Variants in MNS1 observed in about 807,000 individuals in gnomAD.
MNS1 encodes the protein meiosis specific nuclear structural 1.
A neutral mutation model predicts 72.0 loss-of-function variants in MNS1; 63 were observed. That is an observed-to-expected ratio of 0.87 (90% CI 0.71 to 1.08). MNS1 has a LOEUF of 1.08. Among genes scored for constraint, MNS1 ranks in the 50% least tolerant of loss-of-function variants. The pLI is 0.00. For synonymous variants in MNS1, 188 were observed against 172.1 expected, an observed-to-expected ratio of 1.09 and a Z score of -0.72; for missense variants, 604 against 562.4, an observed-to-expected ratio of 1.07 and a Z score of -0.75.
chr15:56,429,076 T>C lies in MNS1; in HGVS notation c.*25A>G. 1 of 1,485,388 alleles carries C rather than the reference T, an allele frequency of 6.7e-7. No homozygotes were observed. Among genetic ancestry groups the C allele is most frequent in the South Asian group, 1.2e-5 (1 of 81,722 alleles). The allele number at this position is 1,485,388 out of a possible 1,614,324, so 92.0% of individuals were successfully genotyped here. On this transcript the variant is annotated 3_prime_UTR_variant, in exon 10 of 10. Coordinates refer to ENST00000260453, the MANE Select transcript of MNS1 (RefSeq NM_018365.4). ...ATCTAGTGGTAACATGCAAAAAATC[T>C]ATGCTTTACCCAATTTTGATGATAT...
In MNS1 at chr15:56,465,097, T is replaced by C. The variant is rs1175975087; in HGVS notation, c.-125A>G. On this transcript the variant is annotated 5_prime_UTR_variant, in exon 1 of 10. Coordinates refer to ENST00000260453, the MANE Select transcript of MNS1 (RefSeq NM_018365.4). ...GCGCTCGGGTGTTTACGCGGCGTCTTGGCAACGGTGGAGCTGCGCGCCCTC... is the reference window on the plus strand; with the variant it reads ...GCGCTCGGGTGTTTACGCGGCGTCTCGGCAACGGTGGAGCTGCGCGCCCTC... The C allele has an allele frequency of 2.3e-6, 3 of 1,325,082 alleles. No homozygotes were observed. The highest frequency in any genetic ancestry group is 3.1e-6 in the Non-Finnish European group (3 of 955,906). The allele number at this position is 1,325,082 out of a possible 1,614,324, so 82.1% of individuals were successfully genotyped here.
chr15:56,464,078 C>A lies in MNS1; in HGVS notation c.173G>T (p.Arg58Ile), dbSNP rs1292612512. ...DNRVQRKQFL[R>I]LLQNEQFELD... ...CTCAAATTGTTCATTTTGTAATAAT[C>A]TGAGAAATTGCTTGCGCTGAACACG... Residue 58 changes from arginine (R) to isoleucine (I), a missense_variant, in exon 2 of 10, where the codon AGA (arginine) becomes ATA (isoleucine). Arg to Ile is a moderately conservative substitution (Grantham distance 97). Transcript: ENST00000260453. 1.2e-6 allele frequency: 2 copies of A among 1,613,780 alleles called. No individual in the cohort carries two copies. The highest frequency in any genetic ancestry group is 3.3e-5 in the Admixed American group (2 of 59,958).
intron 7 of MNS1, among the ~76,000 whole-genome samples, chr15:56,440,327 G>A (rs1184287057): frequency 6.6e-6 from 1 of 152,208 alleles, no homozygotes; most frequent in Non-Finnish European, 1.5e-5. Flanking sequence ...AAATGCTGGT[G>A]AGAATGCAGA....
chr15:56,453,085 CT>C (rs2050958749), intron 3 of MNS1, among the ~76,000 whole-genome samples: 1 of 151,994 alleles, frequency 6.6e-6, no homozygotes, highest in Admixed American at 6.6e-5. Flanking sequence ...CAGCATGTTT[CT>C]TTGTTTCCAG....
intron 4 of MNS1, chr15:56,445,676 A>G (rs2050894773): frequency 6.6e-6 from 1 of 152,198 alleles, no homozygotes; most frequent in African/African-American, 2.4e-5. Flanking sequence ...TACAGATAAG[A>G]AAACTAAGGC....
chr15:56,453,199 T>C (rs185420544), intron 3 of MNS1, among the ~76,000 whole-genome samples: 1 of 152,174 alleles, frequency 6.6e-6, no homozygotes, highest in Non-Finnish European at 1.5e-5. Flanking sequence ...TTTACATATT[T>C]TAATTCCCAA....
chr15:56,452,550 T>C (rs2050954556), intron 3 of MNS1, among the ~76,000 whole-genome samples: 1 of 149,846 alleles, frequency 6.7e-6, no homozygotes, highest in Non-Finnish European at 1.5e-5. Context: ...ACAGAGTCTC[T>C]CTCTGTCGCC....
intron 2 of MNS1, among the ~76,000 whole-genome samples, chr15:56,458,578 T>TA (rs1269791164): frequency 7.1e-5 from 9 of 126,946 alleles, no homozygotes; most frequent in Non-Finnish European, 1.5e-4. Flanking sequence ...ATCATTTCAC[T>TA]ACCCTAAAAA....
intron 2 of MNS1, among the ~76,000 whole-genome samples, chr15:56,458,375 G>A (rs1266120068): frequency 1.3e-5 from 2 of 152,108 alleles, no homozygotes; most frequent in Non-Finnish European, 1.5e-5. Flanking sequence ...CCCTACACAT[G>A]CTCAGCTTCC....
rs1387280124 is a variant in MNS1 at position 56,437,421 on chromosome 15, C to T, written c.1012-3026G>A. ...CCCTTGACAAAATTCAACAGCCCTTCTTGCTAAAAACTCTCAATAAATTAG... is the reference window on the plus strand; with the variant it reads ...CCCTTGACAAAATTCAACAGCCCTTTTTGCTAAAAACTCTCAATAAATTAG... On this transcript the variant is annotated intron_variant, in intron 7 of 9. Coordinates refer to ENST00000260453, the MANE Select transcript of MNS1 (RefSeq NM_018365.4). Among the ~76,000 whole-genome samples, 3 of 152,144 alleles carry T rather than the reference C, an allele frequency of 2.0e-5. No individual in the cohort carries two copies. The East Asian group carries it at 5.8e-4, about 29-fold the overall frequency.
chr15:56,428,867 C>A lies in MNS1; in HGVS notation c.*234G>T. 2.2e-6 allele frequency: 1 copy of A among 446,924 alleles called. No homozygotes were observed. 27.7% of individuals were successfully genotyped at this position (446,924 alleles called of 1,614,324 possible). Reference sequence around the variant, plus strand: ...ACTGTCTTGAGGATGGGGATGCAAACAGTGCTCTGTAGTGTTGTAGAAATC... The same window carrying A: ...ACTGTCTTGAGGATGGGGATGCAAAAAGTGCTCTGTAGTGTTGTAGAAATC... On this transcript the variant is annotated 3_prime_UTR_variant, in exon 10 of 10. Coordinates refer to ENST00000260453, the MANE Select transcript of MNS1 (RefSeq NM_018365.4).
chr15:56,459,456 T>C (rs1319850112), intron 2 of MNS1, among the ~76,000 whole-genome samples: 1 of 152,200 alleles, frequency 6.6e-6, no homozygotes, highest in Non-Finnish European at 1.5e-5. Flanking sequence ...ATGCCTTCAA[T>C]TATCTCTTGG....
rs1382709831 is a variant in MNS1 at position 56,446,786 on chromosome 15, C to CT, written c.456+54dup. On this transcript the variant is annotated intron_variant, in intron 4 of 9. Transcript: ENST00000260453. ...TATGACAATTTTTTAAGAAACAAGT[C>CT]TAATTTTTATTTTCTAAATGAAGCT... The CT allele has an allele frequency of 2.0e-5, 27 of 1,320,358 alleles. No individual in the cohort carries two copies. The East Asian group carries it at 6.0e-4, about 30-fold the overall frequency. 81.8% of individuals were successfully genotyped at this position (1,320,358 alleles called of 1,614,324 possible).
chr15:56,458,476 G>A lies in MNS1; in HGVS notation c.226-1955C>T, dbSNP rs148180026. ...ACTTAAACCTATGCATCATTATCAC[G>A]CAAAGTCCATAGTTTACATTAAGGT... is the stretch of plus-strand genomic sequence containing the variant. On this transcript the variant is annotated intron_variant, in intron 2 of 9. Coordinates refer to ENST00000260453, the MANE Select transcript of MNS1 (RefSeq NM_018365.4). Among the ~76,000 whole-genome samples the A allele has an allele frequency of 1.4e-3, 214 of 151,768 alleles. 7 individuals are homozygous for A. In the East Asian group the frequency reaches 0.036, roughly 26 times the overall value.
chr15:56,444,176 C>T (rs1478809280), intron 5 of MNS1, among the ~76,000 whole-genome samples: 2 of 152,060 alleles, frequency 1.3e-5, no homozygotes, highest in Non-Finnish European at 2.9e-5. Flanking sequence ...TACCTGTCCT[C>T]TGACATATGA....
At chr15:56,454,210 T>C (rs537073730) in intron 3 of MNS1, among the ~76,000 whole-genome samples, 23 of 152,312 alleles carry the variant, frequency 1.5e-4, no homozygotes, top group Middle Eastern at 3.4e-3. Flanking sequence ...ACTTTCTTCC[T>C]TTTAGTTTTT....
Position 56,443,711 on chromosome 15 carries a change from T to G in MNS1, c.830A>C (p.Gln277Pro), listed in dbSNP as rs2050858001. The change falls in exon 6 of 10, where the codon CAG (glutamine) becomes CCG (proline). Residue 277 changes from glutamine to proline, a missense_variant. By Grantham distance (76) the Gln-to-Pro change is moderately conservative (BLOSUM62 -1). Coordinates refer to ENST00000260453, the MANE Select transcript of MNS1 (RefSeq NM_018365.4). ...NRKIIEFANM[Q>P]QQREEDRMAK... The stretch of plus-strand genomic sequence containing the variant: ...CATCCGATCTTCTTCTCTTTGCTGC[T>G]GCATGTTAGCAAACTCTATGATTTT... 1.9e-6 allele frequency: 3 copies of G among 1,613,514 alleles called. No individual in the cohort carries two copies. Among genetic ancestry groups the G allele is most frequent in the Non-Finnish European group, 2.5e-6 (3 of 1,179,750 alleles).
chr15:56,452,086 C>G (rs1312264184), intron 3 of MNS1, among the ~76,000 whole-genome samples: 2 of 152,068 alleles, frequency 1.3e-5, no homozygotes, highest in Admixed American at 1.3e-4. Context: ...ACTTGTCTTC[C>G]CTGTCCTATG....
In MNS1 at chr15:56,434,369, C is replaced by T; in HGVS notation, c.1038G>A (p.Lys346=). ...LKEEAEKKLR[K]QKEMKQDFEE... ...CAAAATCTTGCTTCATCTCTTTTTG[C>T]TTTCTCAATTTCTTTTCTGCTTCTT... is the stretch of plus-strand genomic sequence containing the variant. The change falls in exon 8 of 10, where the codon AAG becomes AAA. Residue 346 remains lysine (K), a synonymous_variant. Coordinates refer to ENST00000260453, the MANE Select transcript of MNS1 (RefSeq NM_018365.4). The T allele has an allele frequency of 6.2e-7, 1 of 1,612,352 alleles. No individual in the cohort carries two copies. Among genetic ancestry groups the T allele is most frequent in the Non-Finnish European group, 8.5e-7 (1 of 1,179,430 alleles).
Sources: allele counts gnomAD v4.1 joint callset (sites outside exome capture counted in the v4.1 genomes callset), GRCh38; gene constraint gnomAD v4.1.1; transcripts MANE v1.5; gene names NCBI Gene and HGNC (gene_info 2026-07-23, HGNC 2026-07-21).